ULK4: variants seen among roughly 807,000 people sequenced by gnomAD.
ULK4 encodes the protein inactive serine/threonine-protein kinase ULK4.
Under a neutral mutation model 160.6 loss-of-function variants are expected in ULK4, and 133 were observed. The ratio of observed to expected loss-of-function variants is 0.83; its 90% CI spans 0.72 to 0.96. The LOEUF is 0.96. Among genes scored for constraint, ULK4 ranks in the 40% least tolerant of loss-of-function variants. The pLI is 0.00. For synonymous variants in ULK4, 534 were observed against 539.8 expected (o/e 0.99, Z 0.15); for missense variants, 1,580 against 1,499.5 (o/e 1.05, Z -0.89).
intron 30 of ULK4, among the ~76,000 whole-genome samples, chr3:41,651,497 G>A (rs2125740225): frequency 6.6e-6 from 1 of 152,244 alleles, no homozygotes; most frequent in South Asian, 2.1e-4. Flanking sequence ...TCCATCTAAT[G>A]CCAGGACGTT....
intron 30 of ULK4, among the ~76,000 whole-genome samples, chr3:41,631,468 G>T (rs1187724925): frequency 6.6e-6 from 1 of 152,138 alleles, no homozygotes; most frequent in Admixed American, 6.5e-5. Flanking sequence ...AGCTATACTA[G>T]TAATATATCT....
intron 35 of ULK4, among the ~76,000 whole-genome samples, chr3:41,333,341 T>C (rs1048949412): frequency 6.6e-6 from 1 of 152,240 alleles, no homozygotes; most frequent in Non-Finnish European, 1.5e-5. Flanking sequence ...CTCATTTCTA[T>C]CTGTGATTGG....
chr3:41,443,794 CTT>C (rs1397391724), intron 34 of ULK4, among the ~76,000 whole-genome samples: 1 of 151,872 alleles, frequency 6.6e-6, no homozygotes, highest in African/African-American at 2.4e-5. Context: ...TTAAAATACA[CTT>C]TTAACTAGCA....
intron 20 of ULK4, among the ~76,000 whole-genome samples, chr3:41,798,648 G>C (rs1219659730): frequency 6.6e-6 from 1 of 152,092 alleles, no homozygotes; most frequent in African/African-American, 2.4e-5. Context: ...TGGGCTAAAA[G>C]GGAAAAGTGG....
intron 19 of ULK4, among the ~76,000 whole-genome samples, chr3:41,818,787 G>A (rs2041049205): frequency 6.6e-6 from 1 of 152,218 alleles, no homozygotes; most frequent in African/African-American, 2.4e-5. Context: ...GTGAAACAAT[G>A]TCAAATGATT....
intron 26 of ULK4, 27 bp from the exon 27 acceptor site, chr3:41,705,178 T>C: frequency 6.2e-7 from 1 of 1,607,508 alleles, no homozygotes. Flanking sequence ...TTATTATAGG[T>C]GTTTATTTAC....
At chr3:41,441,647 C>A (rs191641425) in intron 34 of ULK4, among the ~76,000 whole-genome samples, 1 of 151,930 alleles carries the variant, frequency 6.6e-6, no homozygotes, top group African/African-American at 2.4e-5. Flanking sequence ...GTTCAGTGTG[C>A]GCTTCCAATA....
chr3:41,390,355 T>C (rs2081930668), intron 35 of ULK4, among the ~76,000 whole-genome samples: 2 of 152,182 alleles, frequency 1.3e-5, no homozygotes, highest in Non-Finnish European at 2.9e-5. Flanking sequence ...GTTTTTTGTG[T>C]CTCTATTTCC....
intron 32 of ULK4, among the ~76,000 whole-genome samples, chr3:41,476,673 T>C (rs954614755): frequency 6.6e-6 from 1 of 152,164 alleles, no homozygotes; most frequent in Non-Finnish European, 1.5e-5. Context: ...GTCTAAGGTG[T>C]AGTAGTTACC....
Position 41,559,017 on chromosome 3 carries a change from C to A in ULK4, c.3226+7008G>T, listed in dbSNP as rs2087438310. On this transcript the variant is annotated intron_variant, in intron 32 of 36. Transcript: ENST00000301831. ...CATTAGGTGTATCTCCTAATGCTAT[C>A]CCTCCCCCCTACCCCCACCCCACAA... Among the ~76,000 whole-genome samples, 3 of 134,172 alleles carry A rather than the reference C, an allele frequency of 2.2e-5. No individual in the cohort carries two copies. In the South Asian group the frequency reaches 7.8e-4, roughly 35 times the overall value. 88.0% of individuals were successfully genotyped at this position (134,172 alleles called of 152,430 possible).
At position 41,915,994 on chromosome 3, in the gene ULK4, T is replaced by G; in HGVS notation, c.786A>C (p.Gln262His). 1.3e-6 allele frequency: 2 copies of G among 1,589,558 alleles called. No homozygotes were observed. The highest frequency in any genetic ancestry group is 1.7e-6 in the Non-Finnish European group (2 of 1,174,142). The change falls in exon 8 of 37, where the codon CAA becomes CAC. Residue 262 changes from glutamine to histidine, a missense_variant. Coordinates refer to ENST00000301831, the MANE Select transcript of ULK4 (RefSeq NM_017886.4). ...GTCCCTACCTTTTCTGAGGATCTCT[T>G]TGAAGTAACCCATCAAGCAAATTAA... is the stretch of plus-strand genomic sequence containing the variant. The part of the protein sequence containing the change: ...DFINLLDGLL[Q>H]RDPQKRLTWT...
intron 19 of ULK4, among the ~76,000 whole-genome samples, chr3:41,815,049 C>T (rs2040925185): frequency 2.0e-5 from 3 of 152,034 alleles, no homozygotes; most frequent in East Asian, 1.9e-4. Flanking sequence ...GCTGGAATTA[C>T]AGGCATGCAC....
At chr3:41,901,420 T>C (rs1698355297) in intron 12 of ULK4, among the ~76,000 whole-genome samples, 1 of 148,690 alleles carries the variant, frequency 6.7e-6, no homozygotes, top group South Asian at 2.1e-4. Flanking sequence ...GACCTCATGA[T>C]CCACCTGCCT....
intron 35 of ULK4, among the ~76,000 whole-genome samples, chr3:41,343,605 A>G (rs546517991): frequency 2.4e-4 from 37 of 152,230 alleles, no homozygotes; most frequent in African/African-American, 8.9e-4. Context: ...CGCCTGACCA[A>G]TGATACTCTC....
At chr3:41,844,653 A>T (rs935693808) in intron 17 of ULK4, among the ~76,000 whole-genome samples, 7 of 152,336 alleles carry the variant, frequency 4.6e-5, no homozygotes, top group African/African-American at 1.7e-4. Flanking sequence ...AAGTGCCGCC[A>T]AAGTGGGAGC....
At chr3:41,770,953 C>G (rs1390714009) in intron 21 of ULK4, among the ~76,000 whole-genome samples, 2 of 152,108 alleles carry the variant, frequency 1.3e-5, no homozygotes, top group African/African-American at 4.8e-5. Context: ...AGATTCTCCC[C>G]AAACAAAACA....
At chr3:41,784,256 G>A (rs974792198) in intron 21 of ULK4, among the ~76,000 whole-genome samples, 13 of 151,942 alleles carry the variant, frequency 8.6e-5, no homozygotes, top group African/African-American at 3.1e-4. Flanking sequence ...CCAACATGGA[G>A]AAACCCCATC....
At chr3:41,738,772 G>A (rs1045398128) in intron 22 of ULK4, among the ~76,000 whole-genome samples, 1 of 151,946 alleles carries the variant, frequency 6.6e-6, no homozygotes, top group Non-Finnish European at 1.5e-5. Context: ...TGTGAATTAA[G>A]AGGTAAAACA....
chr3:41,675,242 A>G (rs1335695551), intron 29 of ULK4, among the ~76,000 whole-genome samples: 2 of 152,022 alleles, frequency 1.3e-5, no homozygotes, highest in Non-Finnish European at 2.9e-5. Flanking sequence ...CCGTCTCAAA[A>G]AAAAGAAAGA....
Sources: allele counts gnomAD v4.1 joint callset (sites outside exome capture counted in the v4.1 genomes callset), GRCh38; gene constraint gnomAD v4.1.1; transcripts MANE v1.5; gene names NCBI Gene and HGNC (gene_info 2026-07-23, HGNC 2026-07-21).